The following WWTR1 variants were observed in gnomAD, a reference collection of about 807,000 sequenced individuals.
WWTR1 encodes the protein WW domain containing transcription regulator 1, also known as WW domain-containing transcription regulator protein 1.
Under a neutral mutation model 40.1 loss-of-function variants are expected in WWTR1, and 13 were observed. The observed-to-expected ratio is 0.32, with a 90% CI of 0.21 to 0.52. The LOEUF (loss-of-function observed/expected upper bound fraction) is 0.52, where lower values mean the gene tolerates loss of function less well. WWTR1 is among the 20% of genes least tolerant of loss of function. The pLI is 0.97. For synonymous variants in WWTR1, 230 were observed against 210.1 expected (o/e 1.09, Z -0.82); for missense variants, 436 against 523.1 (o/e 0.83, Z 1.63).
intron 2 of WWTR1, among the ~76,000 whole-genome samples, chr3:149,638,640 A>T (rs1311886870): frequency 7.3e-6 from 1 of 137,820 alleles, no homozygotes; most frequent in Non-Finnish European, 1.5e-5. Flanking sequence ...AGTGTAAGTT[A>T]AAAAAAAAAA....
intron 6 of WWTR1, 30 bp from the exon 7 acceptor site, chr3:149,521,019 AT>A: frequency 1.9e-6 from 3 of 1,546,652 alleles, no homozygotes; most frequent in Non-Finnish European, 2.6e-6. Flanking sequence ...AACCATTTTA[AT>A]TCCTTCTTTT....
At chr3:149,686,334 T>A (rs141290044) in intron 1 of WWTR1, among the ~76,000 whole-genome samples, 1 of 152,196 alleles carries the variant, frequency 6.6e-6, no homozygotes, top group South Asian at 2.1e-4. Context: ...GAAAAGAGAC[T>A]GACTATTCCT....
intron 2 of WWTR1, among the ~76,000 whole-genome samples, chr3:149,648,189 G>A (rs1001823639): frequency 2.0e-5 from 3 of 152,120 alleles, no homozygotes; most frequent in African/African-American, 7.2e-5. Flanking sequence ...CTGGAGCTCT[G>A]ACATTAATCT....
chr3:149,598,815 A>G (rs1739115667), intron 2 of WWTR1, among the ~76,000 whole-genome samples: 1 of 152,130 alleles, frequency 6.6e-6, no homozygotes, highest in Admixed American at 6.5e-5. Flanking sequence ...GCTTTTCTCA[A>G]TGTTTTGAGT....
At chr3:149,648,472 GC>G (rs1178554380) in intron 2 of WWTR1, among the ~76,000 whole-genome samples, 1 of 152,072 alleles carries the variant, frequency 6.6e-6, no homozygotes, top group African/African-American at 2.4e-5. Flanking sequence ...TGAGAGTGGA[GC>G]AATGACTGAG....
intron 2 of WWTR1, among the ~76,000 whole-genome samples, chr3:149,630,264 T>C (rs1711512736): frequency 6.6e-6 from 1 of 152,210 alleles, no homozygotes; most frequent in African/African-American, 2.4e-5. Context: ...AAGTGAACCA[T>C]AATTATAAGA....
At chr3:149,668,289 T>C (rs1344486448) in intron 2 of WWTR1, among the ~76,000 whole-genome samples, 1 of 152,176 alleles carries the variant, frequency 6.6e-6, no homozygotes, top group South Asian at 2.1e-4. Context: ...AATCTCTCTC[T>C]TCTATCTGCC....
intron 2 of WWTR1, among the ~76,000 whole-genome samples, chr3:149,650,581 G>T (rs1162416192): frequency 6.6e-6 from 1 of 152,150 alleles, no homozygotes; most frequent in African/African-American, 2.4e-5. Flanking sequence ...TCTCTGCCTT[G>T]TCTGGCATAC....
upstream of WWTR1, among the ~76,000 whole-genome samples, chr3:149,704,370 C>T (rs561371989): frequency 5.3e-5 from 8 of 152,212 alleles, no homozygotes; most frequent in East Asian, 1.4e-3. Flanking sequence ...AAGAAGCAAG[C>T]CATTTCCCAG....
chr3:149,667,519 G>A (rs1713884136), intron 2 of WWTR1, among the ~76,000 whole-genome samples: 1 of 149,766 alleles, frequency 6.7e-6, no homozygotes, highest in Non-Finnish European at 1.5e-5. Flanking sequence ...CTGCATTCCA[G>A]CCTGGGCGAC....
intron 2 of WWTR1, among the ~76,000 whole-genome samples, chr3:149,623,751 AT>A (rs1216667837): frequency 1.3e-5 from 2 of 152,160 alleles, no homozygotes; most frequent in East Asian, 3.9e-4. Flanking sequence ...AGAAGATACA[AT>A]CCTGATAAGC....
intron 1 of WWTR1, among the ~76,000 whole-genome samples, chr3:149,696,060 C>A (rs1025259960): frequency 4.3e-5 from 6 of 140,474 alleles, no homozygotes; most frequent in African/African-American, 1.6e-4. Flanking sequence ...TTGCAGTGAG[C>A]CGAGATCACG....
chr3:149,624,404 C>T (rs898478669), intron 2 of WWTR1, among the ~76,000 whole-genome samples: 1 of 152,188 alleles, frequency 6.6e-6, no homozygotes, highest in Admixed American at 6.5e-5. Flanking sequence ...GGTTCATGCA[C>T]CAGCTAGTGT....
intron 2 of WWTR1, chr3:149,576,154 C>T (rs1241788999): frequency 2.2e-6 from 1 of 455,496 alleles, no homozygotes; most frequent in South Asian, 1.6e-5. Context: ...GTCGACCTGA[C>T]ATCAGCTGTA....
chr3:149,671,331 G>C (rs927125442), intron 1 of WWTR1, among the ~76,000 whole-genome samples: 4 of 152,124 alleles, frequency 2.6e-5, no homozygotes, highest in African/African-American at 9.7e-5. Flanking sequence ...CTAGACACAG[G>C]ATTTCGAAAA....
chr3:149,594,003 G>C (rs569428382), intron 2 of WWTR1, among the ~76,000 whole-genome samples: 1 of 152,184 alleles, frequency 6.6e-6, no homozygotes, highest in South Asian at 2.1e-4. Flanking sequence ...TTTTGGAGCT[G>C]GGAAAAATCC....
At chr3:149,588,442 A>G (rs1244862205) in intron 2 of WWTR1, among the ~76,000 whole-genome samples, 1 of 152,232 alleles carries the variant, frequency 6.6e-6, no homozygotes, top group Non-Finnish European at 1.5e-5. Flanking sequence ...TGCAGAATGT[A>G]TGCTTAAGGA....
intron 2 of WWTR1, among the ~76,000 whole-genome samples, chr3:149,613,145 C>T (rs890463047): frequency 1.3e-5 from 2 of 152,164 alleles, no homozygotes; most frequent in Admixed American, 1.3e-4. Flanking sequence ...TGTCTTCCAG[C>T]ATCCACCATC....
intron 2 of WWTR1, among the ~76,000 whole-genome samples, chr3:149,647,806 C>G (rs1279383125): frequency 5.3e-5 from 8 of 152,154 alleles, no homozygotes; most frequent in Non-Finnish European, 1.2e-4. Flanking sequence ...TGGGGTCTTA[C>G]GCTACAGTCA....
Sources: allele counts gnomAD v4.1 joint callset (sites outside exome capture counted in the v4.1 genomes callset), GRCh38; gene constraint gnomAD v4.1.1; transcripts MANE v1.5; gene names NCBI Gene and HGNC (gene_info 2026-07-23, HGNC 2026-07-21).